The following RPS6KC1 variants were observed in gnomAD, a reference collection of about 807,000 sequenced individuals.
RPS6KC1 encodes ribosomal protein S6 kinase C1, also known as inactive ribosomal protein S6 kinase delta-1.
A neutral mutation model predicts 103.8 loss-of-function variants in RPS6KC1; 54 were observed. That is an observed-to-expected ratio of 0.52 (90% CI 0.42 to 0.65). The LOEUF (loss-of-function observed/expected upper bound fraction) is 0.65. RPS6KC1 is among the 30% of genes least tolerant of loss of function. The pLI is 0.00. For missense variants in RPS6KC1, 1,151 were observed against 1,253.8 expected (o/e 0.92, Z 1.24); for synonymous variants, 439 against 438.7 (o/e 1.00, Z -0.01).
the RPS6KC1 span, among the ~76,000 whole-genome samples, chr1:213,566,118 G>A: frequency 3.3e-5 from 5 of 152,126 alleles, no homozygotes; most frequent in Non-Finnish European, 7.4e-5. Context: ...ATGTGATAAA[G>A]CAAATACAAT....
chr1:213,517,598 T>C, the RPS6KC1 span, among the ~76,000 whole-genome samples: 1 of 152,220 alleles, frequency 6.6e-6, no homozygotes, highest in African/African-American at 2.4e-5. Flanking sequence ...GAGAGACAGT[T>C]TGTTATAATT....
chr1:213,154,848 T>C (rs1461052880), intron 6 of RPS6KC1, among the ~76,000 whole-genome samples: 1 of 152,178 alleles, frequency 6.6e-6, no homozygotes, highest in Non-Finnish European at 1.5e-5. Context: ...TCACCACAAT[T>C]GGTAATGTGC....
the RPS6KC1 span, among the ~76,000 whole-genome samples, chr1:213,311,301 GC>G: frequency 6.6e-6 from 1 of 151,992 alleles, no homozygotes; most frequent in Non-Finnish European, 1.5e-5. Flanking sequence ...ACCACACCCG[GC>G]TAATTTTTTG....
the RPS6KC1 span, among the ~76,000 whole-genome samples, chr1:213,649,300 C>A: frequency 6.6e-3 from 992 of 150,494 alleles, 7 homozygotes; most frequent in African/African-American, 0.023. Flanking sequence ...TCTCCAGTAA[C>A]TAATGCCTGA....
At chr1:213,568,360 A>G in the RPS6KC1 span, among the ~76,000 whole-genome samples, 1 of 152,364 alleles carries the variant, frequency 6.6e-6, no homozygotes, top group East Asian at 1.9e-4. Flanking sequence ...AGGCTGGACT[A>G]TCCTCTGGTT....
chr1:213,806,281 G>C, the RPS6KC1 span, among the ~76,000 whole-genome samples: 1 of 152,288 alleles, frequency 6.6e-6, no homozygotes, highest in East Asian at 1.9e-4. Flanking sequence ...GCAGTGAGCA[G>C]AGATCGCACC....
the RPS6KC1 span, among the ~76,000 whole-genome samples, chr1:213,559,497 G>A: frequency 6.6e-6 from 1 of 152,196 alleles, no homozygotes. Context: ...AAACAATGGA[G>A]AATGATAGGA....
the RPS6KC1 span, among the ~76,000 whole-genome samples, chr1:213,752,999 GTT>G: frequency 1.3e-5 from 2 of 152,192 alleles, no homozygotes; most frequent in African/African-American, 4.8e-5. Context: ...TCAGTTTCCA[GTT>G]TTTCCCTGTC....
chr1:213,335,532 CAGA>C, the RPS6KC1 span, among the ~76,000 whole-genome samples: 4 of 152,166 alleles, frequency 2.6e-5, no homozygotes, highest in Non-Finnish European at 5.9e-5. Flanking sequence ...GACAGAAGGG[CAGA>C]AGAAGACTAA....
At chr1:213,461,814 A>T in the RPS6KC1 span, among the ~76,000 whole-genome samples, 1 of 152,190 alleles carries the variant, frequency 6.6e-6, no homozygotes, top group Non-Finnish European at 1.5e-5. Flanking sequence ...AAACAATAAA[A>T]CCCTAGAAGA....
the RPS6KC1 span, among the ~76,000 whole-genome samples, chr1:213,787,143 GTTTA>G: frequency 0.14 from 21,562 of 152,042 alleles, 1,934 homozygotes; most frequent in South Asian, 0.25. Context: ...TTCCTCGTCT[GTTTA>G]TTTATTCATT....
At chr1:213,263,488 A>G (rs937582650) in intron 14 of RPS6KC1, among the ~76,000 whole-genome samples, 3 of 152,228 alleles carry the variant, frequency 2.0e-5, no homozygotes, top group Non-Finnish European at 4.4e-5. Context: ...TGACAGGCCC[A>G]TTGCTGGGCT....
the RPS6KC1 span, among the ~76,000 whole-genome samples, chr1:213,510,593 G>A: frequency 5.3e-4 from 81 of 152,244 alleles, no homozygotes; most frequent in African/African-American, 1.9e-3. Flanking sequence ...ATTATTCTGT[G>A]CCTGTCTCTT....
chr1:213,278,396 A>C (rs1243660856), downstream of RPS6KC1, among the ~76,000 whole-genome samples: 1 of 152,154 alleles, frequency 6.6e-6, no homozygotes, highest in Non-Finnish European at 1.5e-5. Context: ...AAATTGATCC[A>C]ATGGAAAACA....
chr1:213,709,012 C>A, the RPS6KC1 span, among the ~76,000 whole-genome samples: 37 of 151,998 alleles, frequency 2.4e-4, no homozygotes, highest in Non-Finnish European at 4.7e-4. Context: ...CTGAAATTTT[C>A]TTTTTTTGTT....
the RPS6KC1 span, among the ~76,000 whole-genome samples, chr1:213,841,770 C>T: frequency 1.3e-5 from 2 of 152,310 alleles, no homozygotes; most frequent in African/African-American, 4.8e-5. Context: ...ACAGTGTGTT[C>T]AGTAGAAGTG....
At chr1:213,854,554 T>A in the RPS6KC1 span, among the ~76,000 whole-genome samples, 1 of 108,418 alleles carries the variant, frequency 9.2e-6, no homozygotes. Flanking sequence ...CTTTCTTTCT[T>A]TCTTTCTTTC....
At chr1:213,510,886 C>T in the RPS6KC1 span, among the ~76,000 whole-genome samples, 302 of 152,140 alleles carry the variant, frequency 2.0e-3, 1 homozygote, top group African/African-American at 6.5e-3. Context: ...AGCCCAGGGC[C>T]GAAGTCATAG....
chr1:213,830,100 C>T, the RPS6KC1 span, among the ~76,000 whole-genome samples: 56 of 152,212 alleles, frequency 3.7e-4, no homozygotes, highest in East Asian at 5.2e-3. Flanking sequence ...AGATGCAGGC[C>T]GTGAGGAAAA....
Sources: gnomAD v4.1 joint callset for allele counts (sites outside exome capture counted in the v4.1 genomes callset) on GRCh38, gnomAD v4.1.1 for gene constraint, MANE v1.5 for transcripts, NCBI Gene and HGNC (gene_info 2026-07-23, HGNC 2026-07-21) for gene names.